The following SHANK2 variants were observed in gnomAD, a reference collection of about 807,000 sequenced individuals.
The protein encoded by SHANK2 is SH3 and multiple ankyrin repeat domains 2.
In SHANK2, 43 loss-of-function variants were observed where a neutral mutation model predicts 133.7. That is an observed-to-expected ratio of 0.32 (90% confidence interval 0.25 to 0.41). The LOEUF is 0.41. Ranked by LOEUF, SHANK2 falls within the 10% of genes least tolerant of loss-of-function variation. The pLI is 1.00. For synonymous variants in SHANK2, 1,017 were observed against 952.8 expected, an observed-to-expected ratio of 1.07 and a Z score of -1.24; for missense variants, 1,994 against 2,235.8, an observed-to-expected ratio of 0.89 and a Z score of 2.18.
intron 3 of SHANK2, among the ~76,000 whole-genome samples, chr11:71,146,640 C>T (rs61887394): frequency 0.1 from 15,643 of 152,220 alleles, 1,034 homozygotes; most frequent in Middle Eastern, 0.14. Context: ...GGAAGGAGTG[C>T]TCAGGGCTGT....
At chr11:70,794,910 T>G (rs1184700930) in intron 14 of SHANK2, among the ~76,000 whole-genome samples, 2 of 152,220 alleles carry the variant, frequency 1.3e-5, no homozygotes, top group African/African-American at 4.8e-5. Context: ...GTATATACAT[T>G]TGTCAAAATG....
chr11:70,613,370 A>AT (rs2060690117), intron 17 of SHANK2, among the ~76,000 whole-genome samples: 1 of 151,780 alleles, frequency 6.6e-6, no homozygotes, highest in Non-Finnish European at 1.5e-5. Flanking sequence ...TGTCCAGCTA[A>AT]TTTTTTGTAT....
chr11:70,846,172 A>G (rs369807073), intron 11 of SHANK2, among the ~76,000 whole-genome samples: 112 of 152,218 alleles, frequency 7.4e-4, no homozygotes, highest in African/African-American at 2.5e-3. Context: ...GGGTCTTTCT[A>G]CCGTGGCAGA....
chr11:70,732,899 C>G (rs899521630), intron 14 of SHANK2, among the ~76,000 whole-genome samples: 2 of 152,228 alleles, frequency 1.3e-5, no homozygotes, highest in African/African-American at 2.4e-5. Context: ...GTTTTGCTTC[C>G]GGCTGTAACC....
intron 14 of SHANK2, among the ~76,000 whole-genome samples, chr11:70,754,930 T>C (rs1555038403): frequency 6.6e-6 from 1 of 152,134 alleles, no homozygotes; most frequent in African/African-American, 2.4e-5. Flanking sequence ...GGGAGGCACC[T>C]GGGTCCCTAA....
In SHANK2 at chr11:70,487,748, A is replaced by C; in HGVS notation, c.2573-28T>G. 5 of 1,550,880 alleles carry C rather than the reference A, an allele frequency of 3.2e-6. No individual in the cohort carries two copies. The highest frequency in any genetic ancestry group is 4.4e-6 in the Non-Finnish European group (5 of 1,147,176). ...ACAAGCAGAAAACAGGTTTAGCTTT[A>C]AGTCACAATAGCAACAAAGCCTAAG... On this transcript the variant is annotated intron_variant, in intron 24 of 25. Coordinates refer to ENST00000601538, the MANE Select transcript of SHANK2 (RefSeq NM_012309.5). The surrounding 1 kb of genome is among the most constrained non-coding windows in gnomAD (Gnocchi z 5.8).
At chr11:70,832,299 G>T (rs1948737407) in intron 11 of SHANK2, among the ~76,000 whole-genome samples, 1 of 145,414 alleles carries the variant, frequency 6.9e-6, no homozygotes, top group Admixed American at 6.7e-5. Context: ...CTCCTGCTTT[G>T]CCCTATCTCT....
intron 1 of SHANK2, among the ~76,000 whole-genome samples, chr11:71,243,397 G>C (rs1472703355): frequency 5.9e-5 from 9 of 152,162 alleles, no homozygotes; most frequent in South Asian, 2.1e-4. Flanking sequence ...CCAACTTACA[G>C]AATTAAAAGG....
intron 12 of SHANK2, among the ~76,000 whole-genome samples, chr11:70,814,519 C>G (rs1182939784): frequency 6.6e-6 from 1 of 152,172 alleles, no homozygotes; most frequent in African/African-American, 2.4e-5. Flanking sequence ...TGTCCCTGGG[C>G]GGCCAAGGCC....
At chr11:70,556,903 G>C (rs1484897985) in intron 17 of SHANK2, among the ~76,000 whole-genome samples, 2 of 151,278 alleles carry the variant, frequency 1.3e-5, no homozygotes, top group African/African-American at 4.9e-5. Context: ...AATTTTTTTT[G>C]GTAGAGATGG....
Position 70,643,567 on chromosome 11 carries a change from G to GA in SHANK2, c.2061+16260dup, listed in dbSNP as rs536391581. ...GGCGACAGAGTGAGACTCCGTCTCG[G>GA]AAAAAAAAAAAAAAAAAAAAGCAGA... On this transcript the variant is annotated intron_variant, in intron 17 of 25. Transcript: ENST00000601538. Among the ~76,000 whole-genome samples, 551 of 92,176 alleles carry GA rather than the reference G, an allele frequency of 6.0e-3. 3 individuals are homozygous for GA. Among genetic ancestry groups the GA allele is most frequent in the East Asian group, 0.026 (76 of 2,954 alleles). 60.5% of individuals were successfully genotyped at this position (92,176 alleles called of 152,430 possible).
intron 11 of SHANK2, among the ~76,000 whole-genome samples, chr11:70,866,216 C>T (rs1949356135): frequency 6.6e-6 from 1 of 152,142 alleles, no homozygotes; most frequent in South Asian, 2.1e-4. Flanking sequence ...ATCCAGACAG[C>T]ACCACCGAGT....
intron 17 of SHANK2, chr11:70,571,302 A>G (rs1394286483): frequency 6.6e-6 from 1 of 152,192 alleles, no homozygotes; most frequent in Non-Finnish European, 1.5e-5. Flanking sequence ...CCTTGTGGGT[A>G]TTCACCTTAG....
chr11:70,915,671 G>T (rs1308572297), intron 10 of SHANK2, among the ~76,000 whole-genome samples: 2 of 152,152 alleles, frequency 1.3e-5, no homozygotes, highest in South Asian at 2.1e-4. Flanking sequence ...AGGCATAAGA[G>T]AATTCACAGG....
intron 21 of SHANK2, among the ~76,000 whole-genome samples, chr11:70,499,863 G>T (rs1341216445): frequency 1.3e-5 from 2 of 152,206 alleles, no homozygotes; most frequent in Admixed American, 1.3e-4. Flanking sequence ...GAGTTAAGAT[G>T]TGCCTTAGGG....
At chr11:71,088,549 G>T (rs961999074) in intron 8 of SHANK2, among the ~76,000 whole-genome samples, 1 of 13,656 alleles carries the variant, frequency 7.3e-5, no homozygotes, top group Admixed American at 1.2e-3. Flanking sequence ...TCACAACTCA[G>T]CCTTGTCCCC....
chr11:71,088,002 T>C (rs1321662625), intron 8 of SHANK2, among the ~76,000 whole-genome samples: 1 of 152,178 alleles, frequency 6.6e-6, no homozygotes, highest in African/African-American at 2.4e-5. Context: ...GAAACCTGAA[T>C]TTAAACCTTC....
chr11:70,858,859 G>A (rs191170875), intron 11 of SHANK2, among the ~76,000 whole-genome samples: 94 of 152,300 alleles, frequency 6.2e-4, no homozygotes, highest in African/African-American at 2.1e-3. Context: ...CTACTGCAGG[G>A]TCTTGGCCAA....
intron 10 of SHANK2, among the ~76,000 whole-genome samples, chr11:70,910,681 C>T (rs1335805642): frequency 2.6e-5 from 4 of 152,104 alleles, no homozygotes; most frequent in Non-Finnish European, 5.9e-5. Flanking sequence ...GTGGTGGACA[C>T]CTGTAATCCC....
Sources: allele counts gnomAD v4.1 joint callset (sites outside exome capture counted in the v4.1 genomes callset), GRCh38; gene constraint gnomAD v4.1.1; non-coding constraint Gnocchi (gnomAD v3.1); transcripts MANE v1.5; gene names NCBI Gene and HGNC (gene_info 2026-07-23, HGNC 2026-07-21).